The following ARHGEF3 variants were observed in gnomAD, a reference collection of about 807,000 sequenced individuals.
The protein encoded by ARHGEF3 is 59.8 kDA protein.
In ARHGEF3, 28 loss-of-function variants were observed where a neutral mutation model predicts 63.2. The ratio of observed to expected loss-of-function variants is 0.44; its 90% CI spans 0.33 to 0.61. ARHGEF3 has a LOEUF of 0.61. Ranked by LOEUF, ARHGEF3 falls within the 20% of genes least tolerant of loss-of-function variation. The pLI is 0.03. For missense variants in ARHGEF3, 533 were observed against 659.3 expected (o/e 0.81, Z 2.10); for synonymous variants, 266 against 254.2 (o/e 1.05, Z -0.44).
intron 1 of ARHGEF3, among the ~76,000 whole-genome samples, chr3:57,037,138 CAT>C (rs1003671802): frequency 1.3e-5 from 2 of 152,152 alleles, no homozygotes; most frequent in African/African-American, 4.8e-5. Flanking sequence ...TCAGCTGAGA[CAT>C]GTGCATTATG....
rs186092992 is a variant in ARHGEF3 at position 56,808,757 on chromosome 3, T to A, written c.193-34941A>T. ...AATACTTCTCAACCAATGGTGATTT[T>A]ACCTCCCAGCAGATATTTGGCACTG... On this transcript the variant is annotated intron_variant, in intron 4 of 12. Transcript: ENST00000338458. Among the ~76,000 whole-genome samples the A allele has an allele frequency of 1.3e-4, 20 of 152,338 alleles. No individual in the cohort carries two copies. In the East Asian group the frequency reaches 3.7e-3, roughly 28 times the overall value.
chr3:57,003,395 C>T (rs1702338543), intron 2 of ARHGEF3, among the ~76,000 whole-genome samples: 1 of 79,562 alleles, frequency 1.3e-5, no homozygotes. Flanking sequence ...AAGCGAGACG[C>T]CGTCTCAAAA....
chr3:56,948,974 A>C (rs1183374987), intron 3 of ARHGEF3, among the ~76,000 whole-genome samples: 1 of 152,114 alleles, frequency 6.6e-6, no homozygotes, highest in Non-Finnish European at 1.5e-5. Flanking sequence ...CTGGTTCAAC[A>C]TACGCAAATC....
chr3:56,970,116 G>A (rs1373364093), intron 2 of ARHGEF3, among the ~76,000 whole-genome samples: 1 of 152,146 alleles, frequency 6.6e-6, no homozygotes, highest in Non-Finnish European at 1.5e-5. Flanking sequence ...ATTCGATAGT[G>A]GTGATGGGTG....
chr3:56,889,590 T>C (rs1428270659), intron 3 of ARHGEF3, among the ~76,000 whole-genome samples: 1 of 152,202 alleles, frequency 6.6e-6, no homozygotes, highest in Non-Finnish European at 1.5e-5. Flanking sequence ...AAGGTTTTAG[T>C]AACTTGCTCA....
intron 2 of ARHGEF3, among the ~76,000 whole-genome samples, chr3:57,013,783 T>C (rs369639271): frequency 8.5e-5 from 13 of 152,312 alleles, no homozygotes; most frequent in African/African-American, 2.4e-4. Flanking sequence ...ATTGTAAACA[T>C]ACCAATCAGC....
At chr3:57,035,858 C>A (rs1420574051) in intron 1 of ARHGEF3, among the ~76,000 whole-genome samples, 1 of 152,222 alleles carries the variant, frequency 6.6e-6, no homozygotes, top group Non-Finnish European at 1.5e-5. Context: ...ACCACCTGGG[C>A]CTGTGATTGC....
At chr3:56,769,917 G>T (rs2035915477) in intron 2 of ARHGEF3, among the ~76,000 whole-genome samples, 1 of 152,170 alleles carries the variant, frequency 6.6e-6, no homozygotes, top group Non-Finnish European at 1.5e-5. Context: ...GAATAGAAAA[G>T]GCATAAATAA....
At chr3:56,958,829 G>A (rs1434431726) in exon 3 of ARHGEF3, 2 of 1,551,364 alleles carry the variant, frequency 1.3e-6, no homozygotes, top group Non-Finnish European at 1.7e-6. Context: ...TTACCCCTCT[G>A]AAATTCCAGG....
At chr3:57,056,110 G>A (rs1242063448) in intron 1 of ARHGEF3, among the ~76,000 whole-genome samples, 1 of 151,978 alleles carries the variant, frequency 6.6e-6, no homozygotes, top group Non-Finnish European at 1.5e-5. Context: ...AGCAGAGGCC[G>A]GGTGCGGTGG....
intron 3 of ARHGEF3, among the ~76,000 whole-genome samples, chr3:56,888,669 G>A (rs1024677429): frequency 6.6e-6 from 1 of 152,130 alleles, no homozygotes; most frequent in African/African-American, 2.4e-5. Flanking sequence ...TTGGGAGGCC[G>A]AGGCAGTTGG....
At chr3:56,902,436 A>G (rs1477643027) in intron 3 of ARHGEF3, among the ~76,000 whole-genome samples, 1 of 152,228 alleles carries the variant, frequency 6.6e-6, no homozygotes, top group Admixed American at 6.5e-5. Context: ...TGCAGCTCAC[A>G]GTGGGAGGCA....
At chr3:56,731,830 T>C (rs2033182982) in intron 9 of ARHGEF3, 1 of 288,306 alleles carries the variant, frequency 3.5e-6, no homozygotes, top group African/African-American at 2.2e-5. Context: ...TGACCATTCT[T>C]ATGTCTCTTT....
At chr3:56,903,089 C>CACAG (rs1491469808) in intron 3 of ARHGEF3, among the ~76,000 whole-genome samples, 4 of 132,280 alleles carry the variant, frequency 3.0e-5, no homozygotes, top group African/African-American at 8.0e-5. Flanking sequence ...CACACACACA[C>CACAG]AGAGAGAGAG....
intron 3 of ARHGEF3, among the ~76,000 whole-genome samples, chr3:56,946,054 C>T (rs543542113): frequency 3.3e-5 from 5 of 152,264 alleles, no homozygotes; most frequent in South Asian, 2.1e-4. Flanking sequence ...CCAACAGACC[C>T]GCAGCTGAGG....
intron 7 of ARHGEF3, among the ~76,000 whole-genome samples, chr3:56,743,317 G>A (rs1468134052): frequency 6.6e-6 from 1 of 152,204 alleles, no homozygotes; most frequent in Non-Finnish European, 1.5e-5. Flanking sequence ...TGAGGCTGGT[G>A]ACCAGACAGC....
intron 3 of ARHGEF3, among the ~76,000 whole-genome samples, chr3:56,944,894 G>C (rs1450006637): frequency 3.9e-5 from 6 of 152,114 alleles, no homozygotes; most frequent in Non-Finnish European, 8.8e-5. Context: ...GTAGTTTCTT[G>C]AGATAGAATC....
At chr3:56,990,540 C>T (rs1056815198) in intron 2 of ARHGEF3, among the ~76,000 whole-genome samples, 4 of 152,144 alleles carry the variant, frequency 2.6e-5, no homozygotes, top group African/African-American at 9.7e-5. Flanking sequence ...GAGCTGAGAT[C>T]ATGCCACTAC....
chr3:57,059,993 T>C (rs1446815589), intron 1 of ARHGEF3, among the ~76,000 whole-genome samples: 3 of 149,400 alleles, frequency 2.0e-5, no homozygotes, highest in Non-Finnish European at 4.4e-5. Flanking sequence ...TGAAACTCTA[T>C]CTCAAAAATA....
Sources: gnomAD v4.1 joint callset for allele counts (sites outside exome capture counted in the v4.1 genomes callset) on GRCh38, gnomAD v4.1.1 for gene constraint, MANE v1.5 for transcripts, NCBI Gene and HGNC (gene_info 2026-07-23, HGNC 2026-07-21) for gene names.